The following AFF2 variants were observed in gnomAD, a reference collection of about 807,000 sequenced individuals.
AFF2 encodes ALF transcription elongation factor 2.
A neutral mutation model predicts 76.9 loss-of-function variants in AFF2; 14 were observed. That is an observed-to-expected ratio of 0.18 (90% confidence interval 0.12 to 0.28). AFF2 has a LOEUF of 0.28. Among genes scored for constraint, AFF2 ranks in the 10% least tolerant of loss-of-function variants. The probability of loss-of-function intolerance (pLI) is 1.00; values close to 1 mark genes in which losing one functional copy is unlikely to be tolerated. For missense variants in AFF2, 868 were observed against 1,001.1 expected, an observed-to-expected ratio of 0.87 and a Z score of 1.79; for synonymous variants, 398 against 366.7, an observed-to-expected ratio of 1.09 and a Z score of -0.98.
chrX:148,581,034 TACAC>T (rs1167239651), intron 1 of AFF2, among the ~76,000 whole-genome samples: 1 of 95,282 alleles, frequency 1.0e-5, no homozygotes, highest in Non-Finnish European at 2.1e-5. Flanking sequence ...TGTGTATATA[TACAC>T]ACATATATAC....
At chrX:148,928,925 C>G (rs1557284084) in intron 9 of AFF2, among the ~76,000 whole-genome samples, 1 of 112,082 alleles carries the variant, frequency 8.9e-6, no homozygotes, top group African/African-American at 3.2e-5. Context: ...GAGAATGGAA[C>G]CCAAGGTTGC....
intron 5 of AFF2, among the ~76,000 whole-genome samples, chrX:148,839,803 G>C (rs1171255556): frequency 9.1e-6 from 1 of 110,209 alleles, no homozygotes; most frequent in Admixed American, 9.8e-5. Flanking sequence ...TGCCTTCCCA[G>C]CTGCTTTTAA....
At chrX:148,545,788 C>T (rs1170177465) in intron 1 of AFF2, among the ~76,000 whole-genome samples, 4 of 110,543 alleles carry the variant, frequency 3.6e-5, no homozygotes, top group African/African-American at 6.6e-5. Context: ...AAACTACAGA[C>T]AGCTGGATCC....
chrX:148,956,267 G>A lies in AFF2; in HGVS notation c.2222G>A (p.Gly741Asp). ...KVLPPCIISG[G>D]NTAKSKEICG... ...CTGCCTCCGTGCATTATTTCTGGAG[G>A]TAATACTGCCAAATCCAAGGAAATC... The change falls in exon 11 of 21, where the codon GGT (glycine) becomes GAT (aspartate). Residue 741 changes from glycine to aspartate, a missense_variant. By Grantham distance (94) the Gly-to-Asp change is moderately conservative (BLOSUM62 -1). Transcript: ENST00000370460. The A allele has an allele frequency of 8.3e-7, 1 of 1,211,681 alleles. No homozygotes were observed. Among genetic ancestry groups the A allele is most frequent in the Non-Finnish European group, 1.1e-6 (1 of 895,491 alleles).
At chrX:148,759,311 A>G in intron 3 of AFF2, among the ~76,000 whole-genome samples, 1 of 112,447 alleles carries the variant, frequency 8.9e-6, no homozygotes, top group African/African-American at 3.2e-5. Flanking sequence ...AAATATGTAC[A>G]CAATTATAAA....
chrX:148,524,123 C>CTCTCTCTG (rs1392390338), intron 1 of AFF2, among the ~76,000 whole-genome samples: 1 of 83,464 alleles, frequency 1.2e-5, no homozygotes, highest in African/African-American at 5.2e-5. Context: ...CTCTCTCTCT[C>CTCTCTCTG]TGTGTGTGTG....
intron 9 of AFF2, among the ~76,000 whole-genome samples, chrX:148,916,272 C>T (rs112013706): frequency 2.3e-5 from 2 of 88,044 alleles, no homozygotes; most frequent in African/African-American, 4.7e-5. Flanking sequence ...TGCAGTGGCG[C>T]GATCTCGGCT....
chrX:148,856,639 G>T (rs1183997432), intron 7 of AFF2, among the ~76,000 whole-genome samples: 1 of 111,765 alleles, frequency 8.9e-6, no homozygotes, highest in African/African-American at 3.2e-5. Context: ...TTTGGCCAGA[G>T]ATATTCTCTG....
chrX:148,551,828 G>A (rs1358541559), intron 1 of AFF2, among the ~76,000 whole-genome samples: 1 of 112,064 alleles, frequency 8.9e-6, no homozygotes, highest in Non-Finnish European at 1.9e-5. Context: ...ACACCAGATA[G>A]TTTATGCTAA....
intron 15 of AFF2, among the ~76,000 whole-genome samples, chrX:148,969,608 A>G (rs1342896901): frequency 6.2e-5 from 7 of 112,250 alleles, no homozygotes; most frequent in African/African-American, 2.3e-4. Context: ...TGAATTGTTT[A>G]GGGAATGATG....
chrX:148,750,116 C>T (rs940815592), intron 3 of AFF2, among the ~76,000 whole-genome samples: 40 of 109,805 alleles, frequency 3.6e-4, no homozygotes, highest in Non-Finnish European at 5.7e-4. Flanking sequence ...TACAGGTGCC[C>T]GCCATCACAC....
chrX:148,700,985 G>GGAGA (rs34108020), intron 3 of AFF2, among the ~76,000 whole-genome samples: 14,061 of 79,775 alleles, frequency 0.18, 1,040 homozygotes, highest in Middle Eastern at 0.21. Flanking sequence ...AGGTATGATG[G>GGAGA]GAGAGAGAGA....
chrX:148,929,898 A>T (rs977452451), intron 9 of AFF2, among the ~76,000 whole-genome samples: 1 of 111,935 alleles, frequency 8.9e-6, no homozygotes, highest in African/African-American at 3.2e-5. Context: ...ATTTATGGGC[A>T]GAAAGCACAC....
intron 3 of AFF2, among the ~76,000 whole-genome samples, chrX:148,765,793 T>C (rs782049409): frequency 5.3e-4 from 57 of 108,414 alleles, no homozygotes; most frequent in African/African-American, 1.9e-3. Context: ...CATGCTGGTG[T>C]GCTGCACTCA....
At chrX:148,600,350 A>G (rs782766201) in intron 1 of AFF2, among the ~76,000 whole-genome samples, 1 of 111,671 alleles carries the variant, frequency 9.0e-6, no homozygotes, top group East Asian at 2.9e-4. Context: ...GGGATCAGAA[A>G]AGGCATTGCT....
rs1603319688 is a variant in AFF2, at chrX:148,863,536, A to C, written c.1262+20103A>C. 1.4e-4 allele frequency among the ~76,000 whole-genome samples: 16 copies of C among 112,071 alleles called. No homozygotes were observed. In the South Asian group the frequency reaches 5.6e-3, roughly 39 times the overall value. On this transcript the variant is annotated intron_variant, in intron 7 of 20. Coordinates refer to ENST00000370460, the MANE Select transcript of AFF2 (RefSeq NM_002025.4). Reference sequence around the variant, plus strand: ...TTCACTGAGGTCTGGGGAACCTCAGATTGAAACATTATCCAGGCAGTAGCA... The same window carrying C: ...TTCACTGAGGTCTGGGGAACCTCAGCTTGAAACATTATCCAGGCAGTAGCA...
At chrX:148,903,919 GA>G (rs2071381542) in intron 8 of AFF2, among the ~76,000 whole-genome samples, 1 of 111,209 alleles carries the variant, frequency 9.0e-6, no homozygotes, top group Admixed American at 9.6e-5. Context: ...GGAAGAGAGG[GA>G]CCCTAGTTAT....
intron 9 of AFF2, among the ~76,000 whole-genome samples, chrX:148,946,568 A>G (rs185150788): frequency 7.3e-4 from 83 of 113,046 alleles, no homozygotes; most frequent in Admixed American, 2.6e-3. Flanking sequence ...AGGTGGCAGC[A>G]TGGCTGCATT....
At chrX:148,980,469 C>T (rs1557290748) in intron 18 of AFF2, among the ~76,000 whole-genome samples, 1 of 111,605 alleles carries the variant, frequency 9.0e-6, no homozygotes, top group Non-Finnish European at 1.9e-5. Flanking sequence ...CTTGGAGAAC[C>T]GAGTCTGATT....
Sources: allele counts gnomAD v4.1 joint callset (sites outside exome capture counted in the v4.1 genomes callset), GRCh38; gene constraint gnomAD v4.1.1; transcripts MANE v1.5; gene names NCBI Gene and HGNC (gene_info 2026-07-23, HGNC 2026-07-21).